Variants in PTCD2 observed in about 807,000 individuals in gnomAD.
The protein encoded by PTCD2 is pentatricopeptide repeat-containing protein 2, mitochondrial.
Under a neutral mutation model 42.6 loss-of-function variants are expected in PTCD2, and 31 were observed. The observed-to-expected ratio is 0.73, with a 90% confidence interval of 0.55 to 0.98. The LOEUF (loss-of-function observed/expected upper bound fraction) is 0.98. Ranked by LOEUF, PTCD2 falls within the 50% of genes least tolerant of loss-of-function variation. The pLI, the probability that PTCD2 is intolerant of heterozygous loss-of-function variation, is 0.00. For missense variants in PTCD2, 476 were observed against 454.8 expected (o/e 1.05, Z -0.42); for synonymous variants, 183 against 170.9 (o/e 1.07, Z -0.55).
chr5:72,342,461 G>A (rs532245795), intron 7 of PTCD2, among the ~76,000 whole-genome samples: 1 of 152,288 alleles, frequency 6.6e-6, no homozygotes, highest in Non-Finnish European at 1.5e-5. Context: ...TAGGAATTTA[G>A]GTTTTGTACT....
chr5:72,332,285 C>A (rs561106956), intron 4 of PTCD2, among the ~76,000 whole-genome samples: 32 of 152,178 alleles, frequency 2.1e-4, no homozygotes, highest in Non-Finnish European at 3.7e-4. Context: ...TTAATGACAC[C>A]TGTGTATTAG....
chr5:72,361,199 G>A lies in PTCD2; in HGVS notation c.*2772G>A, dbSNP rs1187305127. 6.6e-6 allele frequency: 1 copy of A among 152,154 alleles called. No homozygotes were observed. Among genetic ancestry groups the A allele is most frequent in the Admixed American group, 6.5e-5 (1 of 15,286 alleles). The allele number at this position is 152,154 out of a possible 1,614,324, so 9.4% of individuals were successfully genotyped here. A position where few individuals can be genotyped will look rare whatever the true frequency, so the allele number is the denominator to read the frequency against. Reference sequence around the variant, plus strand: ...TCAGGGATAGTTCTGGTTATTGATTGCTGTGTGGAAAACACTCCAAAACTC... The same window carrying A: ...TCAGGGATAGTTCTGGTTATTGATTACTGTGTGGAAAACACTCCAAAACTC... On this transcript the variant is annotated 3_prime_UTR_variant, in exon 10 of 10. Transcript: ENST00000380639.
intron 9 of PTCD2, among the ~76,000 whole-genome samples, chr5:72,357,594 T>A (rs546287046): frequency 6.6e-6 from 1 of 152,334 alleles, no homozygotes; most frequent in East Asian, 1.9e-4. Context: ...ATAAAGCCTA[T>A]GTAATTTGGC....
At position 72,322,196 on chromosome 5, in the gene PTCD2, A is replaced by T; in HGVS notation, c.152A>T (p.Asn51Ile). The change falls in exon 2 of 10, where the codon AAT becomes ATT. Residue 51 changes from asparagine to isoleucine, a missense_variant. Coordinates refer to ENST00000380639, the MANE Select transcript of PTCD2 (RefSeq NM_024754.5). ...GCTAAAAGATACCTACTTACAGATA[A>T]TGTGGTGAAATTAAAAGAATTTCAA... ...LGAKRYLLTD[N>I]VVKLKEFQQK... 1.3e-6 allele frequency: 2 copies of T among 1,594,982 alleles called. No homozygotes were observed. Among genetic ancestry groups the T allele is most frequent in the Non-Finnish European group, 1.7e-6 (2 of 1,163,172 alleles).
intron 8 of PTCD2, among the ~76,000 whole-genome samples, chr5:72,348,002 A>G (rs575081539): frequency 6.6e-6 from 1 of 152,344 alleles, no homozygotes; most frequent in Non-Finnish European, 1.5e-5. Context: ...GCGTCACAGA[A>G]TTACCCACTG....
Position 72,331,152 on chromosome 5 carries a change from C to A in PTCD2, c.351-106C>A. ...CCCCCTCCAGACTGTGAGAGGACTT[C>A]GTTCTCTGTTGTGTCCCAGTACCTG... On this transcript the variant is annotated intron_variant, in intron 3 of 9. Coordinates refer to ENST00000380639, the MANE Select transcript of PTCD2 (RefSeq NM_024754.5). The A allele has an allele frequency of 2.7e-6, 2 of 732,892 alleles. 1 individual carries two copies. Among genetic ancestry groups the A allele is most frequent in the South Asian group, 3.3e-5 (2 of 60,876 alleles). The allele number at this position is 732,892 out of a possible 1,614,324, so 45.4% of individuals were successfully genotyped here.
intron 7 of PTCD2, 94 bp downstream of exon 7, chr5:72,338,829 A>T: frequency 1.5e-6 from 1 of 679,064 alleles, no homozygotes; most frequent in Non-Finnish European, 2.5e-6. Context: ...TTCTGACTGC[A>T]TCGTAAAGAA....
At chr5:72,329,401 T>C (rs935168454) in intron 3 of PTCD2, among the ~76,000 whole-genome samples, 1 of 152,240 alleles carries the variant, frequency 6.6e-6, no homozygotes, top group African/African-American at 2.4e-5. Context: ...CTCGTTATGT[T>C]GACCAAATGC....
intron 8 of PTCD2, among the ~76,000 whole-genome samples, chr5:72,349,049 A>G (rs1172232961): frequency 2.6e-5 from 4 of 152,266 alleles, no homozygotes; most frequent in African/African-American, 9.6e-5. Context: ...AAAAATAAAA[A>G]TAAAACCTGT....
At chr5:72,350,963 G>C (rs1158886222) in intron 8 of PTCD2, among the ~76,000 whole-genome samples, 1 of 152,160 alleles carries the variant, frequency 6.6e-6, no homozygotes, top group African/African-American at 2.4e-5. Flanking sequence ...GTATAATAAA[G>C]TATGGTATAT....
intron 9 of PTCD2, among the ~76,000 whole-genome samples, chr5:72,357,377 T>A (rs770591871): frequency 6.6e-6 from 1 of 152,116 alleles, no homozygotes; most frequent in Non-Finnish European, 1.5e-5. Flanking sequence ...TAAGTGTACT[T>A]CTCCTTCTTT....
chr5:72,352,799 A>G (rs377371433), intron 9 of PTCD2, 45 bp downstream of exon 9: 9 of 993,282 alleles, frequency 9.1e-6, no homozygotes, highest in Non-Finnish European at 1.4e-5. Context: ...GTGAAAGGAC[A>G]CTCTTAAAAA....
chr5:72,321,283 T>C (rs1158909246), intron 1 of PTCD2: 1 of 152,254 alleles, frequency 6.6e-6, no homozygotes, highest in Admixed American at 6.5e-5. Flanking sequence ...CAGGCATTAC[T>C]TTAATGTAGT....
intron 8 of PTCD2, among the ~76,000 whole-genome samples, chr5:72,344,512 C>CA (rs903694243): frequency 1.3e-5 from 2 of 151,528 alleles, no homozygotes; most frequent in African/African-American, 4.9e-5. Flanking sequence ...GACTCCATCT[C>CA]AAAAAAAAGA....
Position 72,368,041 on chromosome 5 carries a change from A to T in PTCD2, c.*9614A>T, listed in dbSNP as rs1270095745. On this transcript the variant is annotated 3_prime_UTR_variant, in exon 10 of 10. Transcript: ENST00000380639. ...GCCCAAAAGTATAAATCTTTTTTTC[A>T]TATGGACTATTTGGGTCTATTTTCA... The T allele has an allele frequency of 6.6e-6, 1 of 152,300 alleles. No homozygotes were observed. Among genetic ancestry groups the T allele is most frequent in the East Asian group, 1.9e-4 (1 of 5,194 alleles). The allele number at this position is 152,300 out of a possible 1,614,324, so 9.4% of individuals were successfully genotyped here.
chr5:72,337,862 C>T (rs1320766375), intron 6 of PTCD2, among the ~76,000 whole-genome samples: 2 of 152,096 alleles, frequency 1.3e-5, no homozygotes, highest in Admixed American at 6.5e-5. Context: ...GTGTCATGTC[C>T]AAGAATAACT....
At chr5:72,323,391 T>C (rs909286570) in intron 2 of PTCD2, among the ~76,000 whole-genome samples, 6 of 152,212 alleles carry the variant, frequency 3.9e-5, no homozygotes, top group African/African-American at 1.4e-4. Context: ...CTGAAAAATC[T>C]TGTGCATTCA....
At chr5:72,328,510 AC>A (rs1751260930) in intron 3 of PTCD2, among the ~76,000 whole-genome samples, 3 of 152,154 alleles carry the variant, frequency 2.0e-5, no homozygotes, top group Non-Finnish European at 4.4e-5. Context: ...AAAGGATTCT[AC>A]CTCTGGATGG....
rs747799266 is a variant in PTCD2, at chr5:72,338,694, A to G, written c.712A>G (p.Arg238Gly). The change falls in exon 7 of 10, where the codon AGG becomes GGG. Residue 238 changes from arginine to glycine, a missense_variant. Coordinates refer to ENST00000380639, the MANE Select transcript of PTCD2 (RefSeq NM_024754.5). ...TCTACTCAAAGGAGAAATTCTCTCC[A>G]GGAGAGCATCCTGTTTCGCTGTGGC... Reference protein sequence around the residue: ...EALLKGEILSRRASCFAVALA... With the variant: ...EALLKGEILSGRASCFAVALA... The G allele has an allele frequency of 6.2e-7, 1 of 1,612,966 alleles. No individual in the cohort carries two copies. Among genetic ancestry groups the G allele is most frequent in the South Asian group, 1.1e-5 (1 of 91,010 alleles).
Sources: allele counts gnomAD v4.1 joint callset (sites outside exome capture counted in the v4.1 genomes callset), GRCh38; gene constraint gnomAD v4.1.1; transcripts MANE v1.5; gene names NCBI Gene and HGNC (gene_info 2026-07-23, HGNC 2026-07-21).